CD99L2: variants seen among roughly 807,000 people sequenced by gnomAD.
CD99L2 encodes the protein CD99 antigen-like protein 2.
CD99L2 carries 24 observed loss-of-function variants against 27.3 expected under a neutral mutation model. The ratio of observed to expected loss-of-function variants is 0.88; its 90% CI spans 0.64 to 1.24. The LOEUF is 1.24. CD99L2 is among the 50% of genes most tolerant of loss of function. The pLI is 0.00. For missense variants in CD99L2, 255 were observed against 221.6 expected, an observed-to-expected ratio of 1.15 and a Z score of -0.96; for synonymous variants, 97 against 87.9, an observed-to-expected ratio of 1.10 and a Z score of -0.58.
chrX:150,894,204 A>G (rs1457356087), intron 1 of CD99L2, among the ~76,000 whole-genome samples: 2 of 111,771 alleles, frequency 1.8e-5, no homozygotes, highest in African/African-American at 6.5e-5. Flanking sequence ...TTCTGTCTCT[A>G]TGGATTTGCC....
chrX:150,824,493 G>A (rs1202347356), intron 2 of CD99L2, among the ~76,000 whole-genome samples: 5 of 79,795 alleles, frequency 6.3e-5, no homozygotes, highest in Non-Finnish European at 1.2e-4. Flanking sequence ...GAAAGAAGAA[G>A]AAGAAAGAAG....
intron 9 of CD99L2, 137 bp downstream of exon 9, chrX:150,776,037 C>T (rs2043545985): frequency 1.2e-6 from 1 of 856,130 alleles, no homozygotes. Context: ...AAACTGTTGC[C>T]TCCACCCCCG....
chrX:150,778,345 C>T (rs946294404), intron 7 of CD99L2, among the ~76,000 whole-genome samples: 9 of 109,657 alleles, frequency 8.2e-5, no homozygotes, highest in Admixed American at 7.8e-4. Flanking sequence ...GCCCGGGGTT[C>T]TCAGGGGAAA....
chrX:150,830,506 T>C (rs987728879), intron 2 of CD99L2, among the ~76,000 whole-genome samples: 2 of 110,572 alleles, frequency 1.8e-5, no homozygotes, highest in African/African-American at 6.6e-5. Flanking sequence ...AAAGCTAAGA[T>C]GGTGCGTGCC....
At chrX:150,893,536 G>T (rs1041542555) in intron 1 of CD99L2, among the ~76,000 whole-genome samples, 10 of 108,393 alleles carry the variant, frequency 9.2e-5, no homozygotes, top group Admixed American at 8.0e-4. Context: ...CAAGTTCAAG[G>T]ACCTTGAAAA....
chrX:150,778,681 AAAAAAT>A lies in CD99L2; in HGVS notation c.497-1205_497-1200del, dbSNP rs1230313542. 2.6e-3 allele frequency among the ~76,000 whole-genome samples: 63 copies of A among 24,134 alleles called. 1 individual carries two copies. The highest frequency in any genetic ancestry group is 0.019 in the Middle Eastern group (1 of 53). 21.0% of individuals were successfully genotyped at this position (24,134 alleles called of 115,157 possible). A position where few individuals can be genotyped will look rare whatever the true frequency, so the allele number is the denominator to read the frequency against. On this transcript the variant is annotated intron_variant, in intron 7 of 10. Coordinates refer to ENST00000370377, the MANE Select transcript of CD99L2 (RefSeq NM_031462.4). Reference sequence around the variant, plus strand: ...TACAACTTAAAGTATAATAAAAAAAAAAAAATATATATATATATATATATATATAAA... The same window carrying A: ...TACAACTTAAAGTATAATAAAAAAAAATATATATATATATATATATATAAA...
At chrX:150,771,884 C>T (rs1413306861) in intron 9 of CD99L2, 5 of 1,115,531 alleles carry the variant, frequency 4.5e-6, no homozygotes, top group Middle Eastern at 2.4e-4. Context: ...AGCAAACATG[C>T]GGGCTTTCCA....
chrX:150,824,306 AGG>A (rs200779610), intron 2 of CD99L2, among the ~76,000 whole-genome samples: 3,203 of 74,434 alleles, frequency 0.043, 347 homozygotes, highest in Non-Finnish European at 0.067. Context: ...GAAGAAGAAG[AGG>A]AGGAGGAGGA....
intron 1 of CD99L2, among the ~76,000 whole-genome samples, chrX:150,889,703 C>T (rs1051865381): frequency 5.3e-5 from 6 of 112,464 alleles, no homozygotes; most frequent in African/African-American, 1.9e-4. Flanking sequence ...TCAACTACAG[C>T]AGTTTTCAAA....
At chrX:150,882,550 C>A (rs1312953926) in intron 1 of CD99L2, among the ~76,000 whole-genome samples, 1 of 109,237 alleles carries the variant, frequency 9.2e-6, no homozygotes, top group Non-Finnish European at 1.9e-5. Context: ...CATGGTGAAA[C>A]CCCATCTCTA....
rs1479086494 is a variant in CD99L2, at chrX:150,766,591, G to T, written c.*2443C>A. 9.4e-6 allele frequency: 1 copy of T among 106,672 alleles called. No individual in the cohort carries two copies. Among genetic ancestry groups the T allele is most frequent in the Non-Finnish European group, 1.9e-5 (1 of 53,142 alleles). The allele number at this position is 106,672 out of a possible 1,213,427, so 8.8% of individuals were successfully genotyped here. A position where few individuals can be genotyped will look rare whatever the true frequency, so the allele number is the denominator to read the frequency against. On this transcript the variant is annotated 3_prime_UTR_variant, in exon 11 of 11. Coordinates refer to ENST00000370377, the MANE Select transcript of CD99L2 (RefSeq NM_031462.4). Reference sequence around the variant, plus strand: ...TGTGACTTCACCCAGCATGTGCTCAGAGTTGTTACAAATTTTCTCTGCCAA... The same window carrying T: ...TGTGACTTCACCCAGCATGTGCTCATAGTTGTTACAAATTTTCTCTGCCAA...
chrX:150,874,077 A>T (rs1173050794), intron 1 of CD99L2, among the ~76,000 whole-genome samples: 2 of 112,637 alleles, frequency 1.8e-5, no homozygotes, highest in African/African-American at 6.5e-5. Flanking sequence ...AGTACCAGGT[A>T]CTAGAGGAGA....
chrX:150,848,119 C>G (rs919233765), intron 1 of CD99L2, among the ~76,000 whole-genome samples: 4 of 107,395 alleles, frequency 3.7e-5, no homozygotes, highest in East Asian at 5.9e-4. Flanking sequence ...AGGCCCCCCC[C>G]CCCTTGTACT....
At position 150,796,904 on chromosome X, in the gene CD99L2, G is replaced by A. The variant is rs139324835; in HGVS notation, c.278-1418C>T. Among the ~76,000 whole-genome samples the A allele has an allele frequency of 1.8e-4, 20 of 111,540 alleles. No homozygotes were observed. In the East Asian group the frequency reaches 5.3e-3, roughly 30 times the overall value. On this transcript the variant is annotated intron_variant, in intron 4 of 10. Transcript: ENST00000370377. ...CAACATATTTCTAAATAAAACAAGG[G>A]TCAAAGAAAAAGTTTCAAAGGAAAT... is the stretch of plus-strand genomic sequence containing the variant.
At chrX:150,803,002 TCTC>T (rs1431636512) in intron 4 of CD99L2, among the ~76,000 whole-genome samples, 4 of 99,940 alleles carry the variant, frequency 4.0e-5, no homozygotes, top group Admixed American at 3.4e-4. Flanking sequence ...TTCAAGCAAT[TCTC>T]CTGCCTCAGC....
Position 150,831,443 on chromosome X carries a change from T to G in CD99L2, c.68-150A>C, listed in dbSNP as rs782138801. 455 of 456,505 alleles carry G rather than the reference T, an allele frequency of 1.0e-3. 2 individuals carry two copies. Among genetic ancestry groups the G allele is most frequent in the Non-Finnish European group, 1.5e-3 (411 of 275,517 alleles). The allele number at this position is 456,505 out of a possible 1,213,427, so 37.6% of individuals were successfully genotyped here. The stretch of plus-strand genomic sequence containing the variant: ...GAAACCCAAAGTGAGTGGTGGTAGC[T>G]ATACTTACATCAGACAAAATAGAGG... On this transcript the variant is annotated intron_variant, in intron 1 of 10. Transcript: ENST00000370377.
At chrX:150,856,202 C>T (rs1179503103) in intron 1 of CD99L2, among the ~76,000 whole-genome samples, 22 of 112,866 alleles carry the variant, frequency 1.9e-4, no homozygotes, top group African/African-American at 6.4e-4. Context: ...ACATCATATC[C>T]TCTAGGAAGC....
intron 1 of CD99L2, among the ~76,000 whole-genome samples, chrX:150,884,945 G>A (rs782283974): frequency 4.5e-5 from 5 of 112,222 alleles, no homozygotes; most frequent in African/African-American, 1.6e-4. Context: ...ATATAGCAAC[G>A]AAAACAAATG....
At chrX:150,877,959 T>TACACACACACACACACACAC (rs72172934) in intron 1 of CD99L2, among the ~76,000 whole-genome samples, 8 of 83,077 alleles carry the variant, frequency 9.6e-5, no homozygotes, top group African/African-American at 3.3e-4. Flanking sequence ...CTCAAACACA[T>TACACACACACACACACACAC]ACACACACAC....
Sources: allele counts gnomAD v4.1 joint callset (sites outside exome capture counted in the v4.1 genomes callset), GRCh38; gene constraint gnomAD v4.1.1; transcripts MANE v1.5; gene names NCBI Gene and HGNC (gene_info 2026-07-23, HGNC 2026-07-21).